The following RAB3B variants were observed in gnomAD, a reference collection of about 807,000 sequenced individuals.
The protein encoded by RAB3B is ras-related protein Rab-3B.
A neutral mutation model predicts 20.5 loss-of-function variants in RAB3B; 11 were observed. The ratio of observed to expected loss-of-function variants is 0.54; its 90% CI spans 0.34 to 0.89. The LOEUF (loss-of-function observed/expected upper bound fraction) is 0.89. Among genes scored for constraint, RAB3B ranks in the 40% least tolerant of loss-of-function variants. RAB3B has a pLI of 0.02. For missense variants in RAB3B, 225 were observed against 280.9 expected (o/e 0.80, Z 1.42); for synonymous variants, 99 against 106.3 (o/e 0.93, Z 0.42).
Position 51,912,585 on chromosome 1 carries a change from A to G in RAB3B, c.*7342T>C, listed in dbSNP as rs1160055216. 5.8e-4 allele frequency: 58 copies of G among 100,126 alleles called. 18 individuals are homozygous for G. In the South Asian group the frequency reaches 0.014, roughly 24 times the overall value. The allele number at this position is 100,126 out of a possible 1,614,324, so 6.2% of individuals were successfully genotyped here. A position where few individuals can be genotyped will look rare whatever the true frequency, so the allele number is the denominator to read the frequency against. On this transcript the variant is annotated 3_prime_UTR_variant, in exon 5 of 5. Transcript: ENST00000371655. ...TATATATATATATATATATATATAT[A>G]TATATATATATATATAAAAAATGTT...
In RAB3B at chr1:51,911,120, G is replaced by GT. The variant is rs1683991724; in HGVS notation, c.*8806dup. ...AACGGATGTGGAGAAAGGAGTGGCA[G>GT]TGGAGTTAGCTGTTTTGTCTACCTG... On this transcript the variant is annotated 3_prime_UTR_variant, in exon 5 of 5. Transcript: ENST00000371655. The GT allele has an allele frequency of 6.6e-6, 1 of 152,256 alleles. No individual in the cohort carries two copies. The highest frequency in any genetic ancestry group is 2.4e-5 in the African/African-American group (1 of 41,462). 9.4% of individuals were successfully genotyped at this position (152,256 alleles called of 1,614,324 possible).
Position 51,919,855 on chromosome 1 carries a change from A to G in RAB3B, c.*72T>C. The G allele has an allele frequency of 7.0e-7, 1 of 1,425,398 alleles. No individual in the cohort carries two copies. Among genetic ancestry groups the G allele is most frequent in the Non-Finnish European group, 9.6e-7 (1 of 1,044,136 alleles). 88.3% of individuals were successfully genotyped at this position (1,425,398 alleles called of 1,614,324 possible). A position where few individuals can be genotyped will look rare whatever the true frequency, so the allele number is the denominator to read the frequency against. On this transcript the variant is annotated 3_prime_UTR_variant, in exon 5 of 5. Coordinates refer to ENST00000371655, the MANE Select transcript of RAB3B (RefSeq NM_002867.4). ...AACAGGGAGAGTGGGCTGAGAGCGG[A>G]CAGTGTGTAACAGGGAGAAGCAGAC... is the stretch of plus-strand genomic sequence containing the variant.
chr1:51,964,847 A>G (rs1684827044), intron 2 of RAB3B, among the ~76,000 whole-genome samples: 1 of 152,106 alleles, frequency 6.6e-6, no homozygotes, highest in Admixed American at 6.5e-5. Flanking sequence ...ACAAATCCTA[A>G]CTGGTTCTCC....
intron 2 of RAB3B, among the ~76,000 whole-genome samples, chr1:51,951,340 G>T (rs1163795085): frequency 6.6e-6 from 1 of 152,084 alleles, no homozygotes; most frequent in African/African-American, 2.4e-5. Flanking sequence ...CAATCTTAAA[G>T]TTCATCCAGT....
chr1:51,927,171 C>G (rs544223097), intron 4 of RAB3B, among the ~76,000 whole-genome samples: 12 of 152,210 alleles, frequency 7.9e-5, no homozygotes, highest in African/African-American at 2.9e-4. Context: ...CACACACACA[C>G]AGATTTATTG....
In RAB3B at chr1:51,908,411, A is replaced by C. The variant is rs185940859; in HGVS notation, c.*11516T>G. 199 of 152,178 alleles carry C rather than the reference A, an allele frequency of 1.3e-3. 4 individuals are homozygous for C. The highest frequency in any genetic ancestry group is 2.1e-4 in the South Asian group (1 of 4,824). 9.4% of individuals were successfully genotyped at this position (152,178 alleles called of 1,614,324 possible). A position where few individuals can be genotyped will look rare whatever the true frequency, so the allele number is the denominator to read the frequency against. ...GACCAGCCTGGTCCCCAGTTGAATAAATTAGAAAGAGCAGTTGGGGGAATT... is the reference window on the plus strand; with the variant it reads ...GACCAGCCTGGTCCCCAGTTGAATACATTAGAAAGAGCAGTTGGGGGAATT... On this transcript the variant is annotated 3_prime_UTR_variant, in exon 5 of 5. Transcript: ENST00000371655.
intron 2 of RAB3B, among the ~76,000 whole-genome samples, chr1:51,938,763 C>A (rs1684448924): frequency 6.6e-6 from 1 of 151,388 alleles, no homozygotes; most frequent in Admixed American, 6.6e-5. Context: ...GCAATCTCCA[C>A]CCCCTGGGCT....
intron 4 of RAB3B, 58 bp downstream of exon 4, chr1:51,933,260 C>T: frequency 6.3e-7 from 1 of 1,578,936 alleles, no homozygotes; most frequent in South Asian, 1.2e-5. Context: ...CTGTTTACCC[C>T]ACTCTCATGA....
chr1:51,936,784 C>T (rs1196264825), intron 3 of RAB3B, among the ~76,000 whole-genome samples: 1 of 152,060 alleles, frequency 6.6e-6, no homozygotes, highest in Non-Finnish European at 1.5e-5. Flanking sequence ...CGCTTCATCA[C>T]TGCACCTAGC....
At position 51,946,974 on chromosome 1, in the gene RAB3B, C is replaced by T. The variant is rs553278838; in HGVS notation, c.229-9562G>A. Among the ~76,000 whole-genome samples the T allele has an allele frequency of 2.0e-5, 3 of 152,286 alleles. No homozygotes were observed. In the South Asian group the frequency reaches 6.2e-4, roughly 32 times the overall value. ...GCTGTTTCCAGGATGCCGTTTACGTCATTTCTCTTAATTGTTATATCAGCT... is the reference window on the plus strand; with the variant it reads ...GCTGTTTCCAGGATGCCGTTTACGTTATTTCTCTTAATTGTTATATCAGCT... On this transcript the variant is annotated intron_variant, in intron 2 of 4. Coordinates refer to ENST00000371655, the MANE Select transcript of RAB3B (RefSeq NM_002867.4).
At chr1:51,958,466 G>T (rs1684740148) in intron 2 of RAB3B, among the ~76,000 whole-genome samples, 1 of 152,200 alleles carries the variant, frequency 6.6e-6, no homozygotes. Context: ...GCTCATGCCT[G>T]TAATCCTAGC....
rs1029294931 is a variant in RAB3B at position 51,909,636 on chromosome 1, G to C, written c.*10291C>G. On this transcript the variant is annotated 3_prime_UTR_variant, in exon 5 of 5. Transcript: ENST00000371655. Reference sequence around the variant, plus strand: ...CCTTTCTGTCACATGACTGGTGGCAGACCCTACTTTAACCCAGCCCAACAA... The same window carrying C: ...CCTTTCTGTCACATGACTGGTGGCACACCCTACTTTAACCCAGCCCAACAA... 6 of 152,222 alleles carry C rather than the reference G, an allele frequency of 3.9e-5. No homozygotes were observed. The highest frequency in any genetic ancestry group is 3.8e-4 in the East Asian group (2 of 5,196). 9.4% of individuals were successfully genotyped at this position (152,222 alleles called of 1,614,324 possible). A position where few individuals can be genotyped will look rare whatever the true frequency, so the allele number is the denominator to read the frequency against.
intron 4 of RAB3B, among the ~76,000 whole-genome samples, chr1:51,931,698 CTT>C (rs10549008): frequency 0.099 from 14,979 of 151,990 alleles, 1,387 homozygotes; most frequent in African/African-American, 0.24. Flanking sequence ...TACTGTGACT[CTT>C]TTACGTATGG....
At chr1:51,933,895 A>T (rs1684361271) in intron 3 of RAB3B, among the ~76,000 whole-genome samples, 1 of 152,182 alleles carries the variant, frequency 6.6e-6, no homozygotes, top group African/African-American at 2.4e-5. Context: ...GCAACATCCA[A>T]GTTATTGCCA....
chr1:51,957,311 T>C (rs1376633708), intron 2 of RAB3B, among the ~76,000 whole-genome samples: 2 of 152,184 alleles, frequency 1.3e-5, no homozygotes, highest in African/African-American at 2.4e-5. Context: ...CCTTATCACA[T>C]CCTCCAAGAA....
Position 51,990,615 on chromosome 1 carries a change from G to A in RAB3B, c.-64C>T, listed in dbSNP as rs1208834514. ...ACGGTCGGCGGGACGGCAGGACCTGGCGTCGGGAGGGCGCGGAGGGGGCCG... is the reference window on the plus strand; with the variant it reads ...ACGGTCGGCGGGACGGCAGGACCTGACGTCGGGAGGGCGCGGAGGGGGCCG... On this transcript the variant is annotated 5_prime_UTR_variant, in exon 1 of 5. Transcript: ENST00000371655. The A allele has an allele frequency of 6.6e-6, 1 of 152,258 alleles. No homozygotes were observed. Among genetic ancestry groups the A allele is most frequent in the Non-Finnish European group, 1.5e-5 (1 of 68,150 alleles). The allele number at this position is 152,258 out of a possible 1,614,324, so 9.4% of individuals were successfully genotyped here.
At chr1:51,943,201 T>C (rs1684517871) in intron 2 of RAB3B, among the ~76,000 whole-genome samples, 1 of 152,126 alleles carries the variant, frequency 6.6e-6, no homozygotes, top group Non-Finnish European at 1.5e-5. Flanking sequence ...CTGGTCAACA[T>C]GGCGAAATCC....
chr1:51,919,429 TTGAGAGCCCAAGCTTGACTTGTAG>T lies in RAB3B; in HGVS notation c.*474_*497del, dbSNP rs2124227894. On this transcript the variant is annotated 3_prime_UTR_variant, in exon 5 of 5. Coordinates refer to ENST00000371655, the MANE Select transcript of RAB3B (RefSeq NM_002867.4). Reference sequence around the variant, plus strand: ...CATCCGTGGTAACAGGCGCAGGGCTTTGAGAGCCCAAGCTTGACTTGTAGTGAGAGAAAGCCCCGCAGGGAGCCC... The same window carrying T: ...CATCCGTGGTAACAGGCGCAGGGCTTTGAGAGAAAGCCCCGCAGGGAGCCC... 6.5e-6 allele frequency: 1 copy of T among 152,948 alleles called. No individual in the cohort carries two copies. Among genetic ancestry groups the T allele is most frequent in the South Asian group, 2.1e-4 (1 of 4,858 alleles). 9.5% of individuals were successfully genotyped at this position (152,948 alleles called of 1,614,324 possible). A position where few individuals can be genotyped will look rare whatever the true frequency, so the allele number is the denominator to read the frequency against.
At chr1:51,964,592 C>T (rs1394304270) in intron 2 of RAB3B, among the ~76,000 whole-genome samples, 2 of 152,070 alleles carry the variant, frequency 1.3e-5, no homozygotes, top group East Asian at 3.9e-4. Flanking sequence ...AAACTGAATC[C>T]CCAACTCTCT....
Sources: allele counts gnomAD v4.1 joint callset (sites outside exome capture counted in the v4.1 genomes callset), GRCh38; gene constraint gnomAD v4.1.1; transcripts MANE v1.5; gene names NCBI Gene and HGNC (gene_info 2026-07-23, HGNC 2026-07-21).